SLC5A3: variants seen among roughly 807,000 people sequenced by gnomAD.
SLC5A3 encodes solute carrier family 5 member 3.
SLC5A3 carries 10 observed loss-of-function variants against 43.2 expected under a neutral mutation model. The observed-to-expected ratio is 0.23, with a 90% CI of 0.14 to 0.39. SLC5A3 has a LOEUF of 0.39. Ranked by LOEUF, SLC5A3 falls within the 10% of genes least tolerant of loss-of-function variation. The pLI, the probability that SLC5A3 is intolerant of heterozygous loss-of-function variation, is 1.00. For synonymous variants in SLC5A3, 349 were observed against 322.0 expected (o/e 1.08, Z -0.90); for missense variants, 608 against 893.4 (o/e 0.68, Z 4.07).
intron 1 of SLC5A3, among the ~76,000 whole-genome samples, chr21:34,087,356 G>A (rs896204253): frequency 4.6e-5 from 7 of 152,126 alleles, no homozygotes; most frequent in Non-Finnish European, 7.3e-5. Flanking sequence ...AGTCTTGATG[G>A]CGAAGAACTT....
chr21:34,093,965 C>G (rs1277648148), intron 1 of SLC5A3, among the ~76,000 whole-genome samples: 1 of 152,142 alleles, frequency 6.6e-6, no homozygotes, highest in African/African-American at 2.4e-5. Context: ...CTCCTCCTCC[C>G]TCTTTTCTCT....
chr21:34,079,573 T>G (rs1989412113), intron 1 of SLC5A3, among the ~76,000 whole-genome samples: 1 of 148,864 alleles, frequency 6.7e-6, no homozygotes, highest in Non-Finnish European at 1.5e-5. Context: ...GTAGCTGGGA[T>G]TACAGGCATG....
Position 34,073,688 on chromosome 21 carries a change from C to A in SLC5A3, c.-394C>A, listed in dbSNP as rs997707764. 1.3e-6 allele frequency: 2 copies of A among 1,518,420 alleles called. No individual in the cohort carries two copies. The highest frequency in any genetic ancestry group is 1.8e-6 in the Non-Finnish European group (2 of 1,125,426). The allele number at this position is 1,518,420 out of a possible 1,614,324, so 94.1% of individuals were successfully genotyped here. A position where few individuals can be genotyped will look rare whatever the true frequency, so the allele number is the denominator to read the frequency against. The stretch of plus-strand genomic sequence containing the variant: ...CGGCTGGCTTCCGAGCCGCACTCGC[C>A]GATCCTCCAGGCATGCCCCGCTACG... On this transcript the variant is annotated 5_prime_UTR_variant, in exon 1 of 2. Coordinates refer to ENST00000381151, the MANE Select transcript of SLC5A3 (RefSeq NM_006933.7).
intron 1 of SLC5A3, among the ~76,000 whole-genome samples, chr21:34,078,925 C>T (rs983687065): frequency 3.9e-5 from 6 of 152,180 alleles, no homozygotes; most frequent in African/African-American, 7.2e-5. Flanking sequence ...ATTTTTAAGA[C>T]GTGTTATCAA....
Position 34,100,568 on chromosome 21 carries a change from G to C in SLC5A3, c.*3213G>C. 1 of 1,000,230 alleles carries C rather than the reference G, an allele frequency of 1.0e-6. No homozygotes were observed. The highest frequency in any genetic ancestry group is 1.2e-6 in the Non-Finnish European group (1 of 829,984). 62.0% of individuals were successfully genotyped at this position (1,000,230 alleles called of 1,614,324 possible). Reference sequence around the variant, plus strand: ...GATCCATTGTATTTTGGCACAAAGAGCCTGGCCAGGGTCATGTAGCCATAG... The same window carrying C: ...GATCCATTGTATTTTGGCACAAAGACCCTGGCCAGGGTCATGTAGCCATAG... On this transcript the variant is annotated 3_prime_UTR_variant, in exon 2 of 2. Coordinates refer to ENST00000381151, the MANE Select transcript of SLC5A3 (RefSeq NM_006933.7).
intron 1 of SLC5A3, among the ~76,000 whole-genome samples, chr21:34,091,154 T>G (rs1346209108): frequency 6.6e-6 from 1 of 152,258 alleles, no homozygotes; most frequent in Non-Finnish European, 1.5e-5. Context: ...AGTGCTGGAC[T>G]AGGCGTCTCA....
intron 1 of SLC5A3, among the ~76,000 whole-genome samples, chr21:34,078,252 G>GTAA (rs1488726388): frequency 1.3e-5 from 2 of 152,112 alleles, no homozygotes; most frequent in African/African-American, 4.8e-5. Context: ...TAGTTACCTA[G>GTAA]TAATGGAAGA....
rs1224788664 is a variant in SLC5A3, at chr21:34,106,005, A to G, written c.*8650A>G. On this transcript the variant is annotated 3_prime_UTR_variant, in exon 2 of 2. Transcript: ENST00000381151. ...TTTTGAAAGTGTTATTGTTTAAAAA[A>G]TGAAAAAAGCATATCTGCTAAAGAG... 1.0e-6 allele frequency: 1 copy of G among 995,528 alleles called. No individual in the cohort carries two copies. The highest frequency in any genetic ancestry group is 1.7e-5 in the African/African-American group (1 of 57,146). The allele number at this position is 995,528 out of a possible 1,614,324, so 61.7% of individuals were successfully genotyped here.
In SLC5A3 at chr21:34,101,954, A is replaced by G; in HGVS notation, c.*4599A>G. The stretch of plus-strand genomic sequence containing the variant: ...AGTGCAGAGAAACAATGGAGTTTTG[A>G]TGCCAAAAAGGTTTTTTTGCAGTAA... On this transcript the variant is annotated 3_prime_UTR_variant, in exon 2 of 2. Coordinates refer to ENST00000381151, the MANE Select transcript of SLC5A3 (RefSeq NM_006933.7). 1.0e-6 allele frequency: 1 copy of G among 1,000,176 alleles called. No homozygotes were observed. Among genetic ancestry groups the G allele is most frequent in the East Asian group, 1.1e-4 (1 of 8,818 alleles). 62.0% of individuals were successfully genotyped at this position (1,000,176 alleles called of 1,614,324 possible).
Position 34,102,323 on chromosome 21 carries a change from C to A in SLC5A3, c.*4968C>A. 1.0e-6 allele frequency: 1 copy of A among 998,988 alleles called. No homozygotes were observed. The highest frequency in any genetic ancestry group is 1.2e-6 in the Non-Finnish European group (1 of 828,934). The allele number at this position is 998,988 out of a possible 1,614,324, so 61.9% of individuals were successfully genotyped here. Reference sequence around the variant, plus strand: ...TCTCTCTTCAATGCTGAGAATAAGGCTTTAAATTACTGATTCACCTTTAAA... The same window carrying A: ...TCTCTCTTCAATGCTGAGAATAAGGATTTAAATTACTGATTCACCTTTAAA... On this transcript the variant is annotated 3_prime_UTR_variant, in exon 2 of 2. Transcript: ENST00000381151.
intron 1 of SLC5A3, among the ~76,000 whole-genome samples, chr21:34,074,451 TCCCC>T: frequency 6.6e-6 from 1 of 152,214 alleles, no homozygotes; most frequent in Non-Finnish European, 1.5e-5. Context: ...GACACTTTCT[TCCCC>T]CTGCTTTTGA....
Position 34,105,782 on chromosome 21 carries a change from C to T in SLC5A3, c.*8427C>T. Reference sequence around the variant, plus strand: ...AAGGTTTGACTAATTGTATCCATCTCATTGTACAGTGTTTTAGTTGCAAGC... The same window carrying T: ...AAGGTTTGACTAATTGTATCCATCTTATTGTACAGTGTTTTAGTTGCAAGC... On this transcript the variant is annotated 3_prime_UTR_variant, in exon 2 of 2. Transcript: ENST00000381151. 2.0e-6 allele frequency: 2 copies of T among 994,180 alleles called. No homozygotes were observed. The highest frequency in any genetic ancestry group is 2.4e-6 in the Non-Finnish European group (2 of 824,596). The allele number at this position is 994,180 out of a possible 1,614,324, so 61.6% of individuals were successfully genotyped here.
chr21:34,091,792 CT>C lies in SLC5A3; in HGVS notation c.-336-3070del, dbSNP rs571293308. Among the ~76,000 whole-genome samples, 158 of 152,326 alleles carry C rather than the reference CT, an allele frequency of 1.0e-3. 5 individuals carry two copies. The South Asian group carries it at 0.032, about 31-fold the overall frequency. On this transcript the variant is annotated intron_variant, in intron 1 of 1. Coordinates refer to ENST00000381151, the MANE Select transcript of SLC5A3 (RefSeq NM_006933.7). Reference sequence around the variant, plus strand: ...CTTTGTGTTCAAGGTTTGGCTAAATCTGCTCATCACCACTAGGGGACTGTTT... The same window carrying C: ...CTTTGTGTTCAAGGTTTGGCTAAATCGCTCATCACCACTAGGGGACTGTTT...
chr21:34,077,242 T>C (rs1205881260), intron 1 of SLC5A3, among the ~76,000 whole-genome samples: 1 of 152,236 alleles, frequency 6.6e-6, no homozygotes, highest in Non-Finnish European at 1.5e-5. Flanking sequence ...TAAAGCCGCA[T>C]ACTGTATAAT....
At chr21:34,092,633 A>G (rs1478642326) in intron 1 of SLC5A3, among the ~76,000 whole-genome samples, 1 of 152,232 alleles carries the variant, frequency 6.6e-6, no homozygotes, top group Non-Finnish European at 1.5e-5. Flanking sequence ...CAGATTTGAC[A>G]ATGAAGAACA....
In SLC5A3 at chr21:34,104,388, A is replaced by T. The variant is rs1979384839; in HGVS notation, c.*7033A>T. On this transcript the variant is annotated 3_prime_UTR_variant, in exon 2 of 2. Transcript: ENST00000381151. Reference sequence around the variant, plus strand: ...CCACCTCCTCACTTCACCTCCGAGTAGCTTGTTTATCAAGAATGAATGAAT... The same window carrying T: ...CCACCTCCTCACTTCACCTCCGAGTTGCTTGTTTATCAAGAATGAATGAAT... 1 of 1,000,092 alleles carries T rather than the reference A, an allele frequency of 1.0e-6. No individual in the cohort carries two copies. The highest frequency in any genetic ancestry group is 1.2e-6 in the Non-Finnish European group (1 of 829,974). The allele number at this position is 1,000,092 out of a possible 1,614,324, so 62.0% of individuals were successfully genotyped here. A position where few individuals can be genotyped will look rare whatever the true frequency, so the allele number is the denominator to read the frequency against.
Position 34,105,166 on chromosome 21 carries a change from AC to A in SLC5A3, c.*7812del, listed in dbSNP as rs1979420739. On this transcript the variant is annotated 3_prime_UTR_variant, in exon 2 of 2. Coordinates refer to ENST00000381151, the MANE Select transcript of SLC5A3 (RefSeq NM_006933.7). ...TGTTCCCTTGCTTTCCCCCACTGTTACTGCTTCAGTTTATAGATTGCCAGCA... is the reference window on the plus strand; with the variant it reads ...TGTTCCCTTGCTTTCCCCCACTGTTATGCTTCAGTTTATAGATTGCCAGCA... The A allele has an allele frequency of 1.0e-6, 1 of 999,992 alleles. No individual in the cohort carries two copies. The highest frequency in any genetic ancestry group is 1.7e-5 in the African/African-American group (1 of 57,206). 61.9% of individuals were successfully genotyped at this position (999,992 alleles called of 1,614,324 possible). A position where few individuals can be genotyped will look rare whatever the true frequency, so the allele number is the denominator to read the frequency against.
rs1029886748 is a variant in SLC5A3 at position 34,095,098 on chromosome 21, C to G, written c.-101C>G. ...ACCCTGCTGTGTTGCTCTGTGTAGT[C>G]CAGTTCACGTATGGTTTACAGACTT... is the stretch of plus-strand genomic sequence containing the variant. On this transcript the variant is annotated 5_prime_UTR_variant, in exon 2 of 2. Coordinates refer to ENST00000381151, the MANE Select transcript of SLC5A3 (RefSeq NM_006933.7). 6.7e-7 allele frequency: 1 copy of G among 1,482,600 alleles called. No homozygotes were observed. The highest frequency in any genetic ancestry group is 1.4e-5 in the African/African-American group (1 of 71,054). 91.8% of individuals were successfully genotyped at this position (1,482,600 alleles called of 1,614,324 possible). A position where few individuals can be genotyped will look rare whatever the true frequency, so the allele number is the denominator to read the frequency against.
At chr21:34,094,596 A>C (rs1345352027) in intron 1 of SLC5A3, among the ~76,000 whole-genome samples, 1 of 152,222 alleles carries the variant, frequency 6.6e-6, no homozygotes, top group Non-Finnish European at 1.5e-5. Flanking sequence ...TGTGGTAGGC[A>C]GTTAGCTGCT....
Sources: gnomAD v4.1 joint callset for allele counts (sites outside exome capture counted in the v4.1 genomes callset) on GRCh38, gnomAD v4.1.1 for gene constraint, MANE v1.5 for transcripts, NCBI Gene and HGNC (gene_info 2026-07-23, HGNC 2026-07-21) for gene names.